The following MRC2 variants were observed in gnomAD, a reference collection of about 807,000 sequenced individuals.
MRC2 encodes C-type mannose receptor 2.
Under a neutral mutation model 206.2 loss-of-function variants are expected in MRC2, and 84 were observed. The ratio of observed to expected loss-of-function variants is 0.41; its 90% CI spans 0.34 to 0.49. MRC2 has a LOEUF of 0.49. MRC2 is among the 20% of genes least tolerant of loss of function. MRC2 has a pLI of 0.31. For synonymous variants in MRC2, 798 were observed against 800.0 expected (o/e 1.00, Z 0.04); for missense variants, 1,676 against 2,001.5 (o/e 0.84, Z 3.10).
chr17:62,628,327 C>T (rs1203182652), intron 1 of MRC2, among the ~76,000 whole-genome samples: 2 of 152,128 alleles, frequency 1.3e-5, no homozygotes, highest in Non-Finnish European at 2.9e-5. Context: ...GTTCCCGGGC[C>T]CAGTCTCCTC....
chr17:62,688,508 C>T lies in MRC2; in HGVS notation c.3069C>T (p.Ile1023=). 1.9e-6 allele frequency: 3 copies of T among 1,614,228 alleles called. No homozygotes were observed. The highest frequency in any genetic ancestry group is 1.1e-5 in the South Asian group (1 of 91,084). The part of the protein sequence containing the change: ...TITNPLEQAF[I]TASLPNVTFD... ...GTCTTCTGGGGACCATAGCATTCAT[C>T]ACAGCCAGCCTGCCCAATGTGACCT... Residue 1023 remains isoleucine (I), a synonymous_variant, in exon 22 of 30, where the codon ATC becomes ATT. Transcript: ENST00000303375.
At chr17:62,635,043 C>T (rs979496266) in intron 1 of MRC2, among the ~76,000 whole-genome samples, 8 of 151,692 alleles carry the variant, frequency 5.3e-5, no homozygotes, top group East Asian at 1.9e-4. Context: ...GTTGGCCAGA[C>T]GGGTCTTGAA....
rs773184614 is a variant in MRC2 at position 62,678,614 on chromosome 17, C to T, written c.2163C>T (p.His721=). The T allele has an allele frequency of 2.5e-6, 4 of 1,611,836 alleles. No individual in the cohort carries two copies. Among genetic ancestry groups the T allele is most frequent in the South Asian group, 1.1e-5 (1 of 90,896 alleles). ...GCCTGGCCAGCTACGAGGAGGAGCA[C>T]TTTGTGGCCAACATGCTCAACAAGA... ...LLSLASYEEE[H]FVANMLNKIF... is the part of the protein sequence containing the mutation. The change falls in exon 13 of 30, where the codon CAC becomes CAT. Residue 721 remains histidine (H), a synonymous_variant. Transcript: ENST00000303375.
intron 11 of MRC2, 56 bp from the exon 12 acceptor site, chr17:62,677,213 G>A: frequency 7.0e-7 from 1 of 1,425,290 alleles, no homozygotes; most frequent in East Asian, 2.5e-5. Context: ...GGATGTGAGG[G>A]AGGACCAGAC....
chr17:62,649,956 A>T (rs2088536318), intron 1 of MRC2, among the ~76,000 whole-genome samples: 1 of 150,036 alleles, frequency 6.7e-6, no homozygotes. Context: ...TTGGAGTGGC[A>T]CTATCTCGGC....
intron 20 of MRC2, 113 bp from the exon 21 acceptor site, chr17:62,688,176 C>T (rs1445128137): frequency 1.2e-6 from 1 of 830,658 alleles, no homozygotes; most frequent in Non-Finnish European, 1.9e-6. Context: ...ACTGTTCTCT[C>T]CCGGCCCTCA....
rs1377647109 is a variant in MRC2, at chr17:62,652,468, T to G, written c.119-12080T>G. ...CGGGTCCCATTCCCGAATTCTGCCC[T>G]CAGCGGCCTGGTCAATGAGGTTGGA... On this transcript the variant is annotated intron_variant, in intron 1 of 29. Transcript: ENST00000303375. This position sits in a 1 kb window ranked among gnomAD's most constrained non-coding sequence, Gnocchi z 4.6. Among the ~76,000 whole-genome samples the G allele has an allele frequency of 6.6e-6, 1 of 152,202 alleles. No homozygotes were observed. Among genetic ancestry groups the G allele is most frequent in the Non-Finnish European group, 1.5e-5 (1 of 68,042 alleles).
chr17:62,630,614 G>A (rs991955721), intron 1 of MRC2, among the ~76,000 whole-genome samples: 2 of 152,142 alleles, frequency 1.3e-5, no homozygotes, highest in Non-Finnish European at 2.9e-5. Flanking sequence ...CTGGCTGTGG[G>A]GAACCCCAGG....
chr17:62,658,884 T>C (rs947133365), intron 1 of MRC2, among the ~76,000 whole-genome samples: 2 of 152,232 alleles, frequency 1.3e-5, no homozygotes, highest in Non-Finnish European at 2.9e-5. Context: ...TGGGCAGGCA[T>C]GGATCAAGTC....
Position 62,667,281 on chromosome 17 carries a change from C to T in MRC2, c.974-109C>T. 2.8e-6 allele frequency: 4 copies of T among 1,414,100 alleles called. No homozygotes were observed. The highest frequency in any genetic ancestry group is 2.7e-5 in the Admixed American group (1 of 37,056). The allele number at this position is 1,414,100 out of a possible 1,614,324, so 87.6% of individuals were successfully genotyped here. ...CTGAGCACCAGGCTTCCCGAACTGG[C>T]TCAGGCTTCCGAGGGAGCAGAGGGA... On this transcript the variant is annotated intron_variant, in intron 5 of 29. Transcript: ENST00000303375. This position sits in a 1 kb window ranked among gnomAD's most constrained non-coding sequence, Gnocchi z 4.1.
rs1409261819 is a variant in MRC2, at chr17:62,667,520, G to A, written c.1104G>A (p.Glu368=). 1 of 1,610,648 alleles carries A rather than the reference G, an allele frequency of 6.2e-7. No homozygotes were observed. Among genetic ancestry groups the A allele is most frequent in the Non-Finnish European group, 8.5e-7 (1 of 1,179,302 alleles). ...VCKKKPNATA[E]PTPPDRWANV... ...AGAAGAAGCCCAACGCCACGGCCGA[G>A]CCCACCCCTCCAGGTGAGCCAGGGA... Residue 368 remains glutamate, a synonymous_variant, in exon 6 of 30, where the codon GAG becomes GAA. Coordinates refer to ENST00000303375, the MANE Select transcript of MRC2 (RefSeq NM_006039.5). The surrounding 1 kb of genome is among the most constrained non-coding windows in gnomAD (Gnocchi z 4.1).
intron 1 of MRC2, among the ~76,000 whole-genome samples, chr17:62,658,391 G>A (rs891556797): frequency 7.2e-5 from 11 of 152,322 alleles, no homozygotes; most frequent in Middle Eastern, 3.4e-3. Flanking sequence ...GGATGTCAGA[G>A]GGAGGAGGGG....
rs1194057098 is a variant in MRC2 at position 62,689,511 on chromosome 17, C to T, written c.3335-11C>T. On this transcript the variant is annotated splice_polypyrimidine_tract_variant and intron_variant, in intron 23 of 29. Transcript: ENST00000303375. ...CAGAGCCCAGCCTGAACCCTGACCC[C>T]TTCCCTGTAGACCCCTCCCTGAGCC... The T allele has an allele frequency of 3.3e-6, 5 of 1,532,422 alleles. No homozygotes were observed. The African/African-American group carries it at 6.8e-5, about 21-fold the overall frequency. The allele number at this position is 1,532,422 out of a possible 1,614,324, so 94.9% of individuals were successfully genotyped here.
At chr17:62,670,539 C>T (rs964812742) in intron 6 of MRC2, among the ~76,000 whole-genome samples, 1 of 152,264 alleles carries the variant, frequency 6.6e-6, no homozygotes, top group African/African-American at 2.4e-5. Context: ...CCGAGCATGA[C>T]ACTGTGGGTG....
At chr17:62,655,471 G>T (rs575368308) in intron 1 of MRC2, among the ~76,000 whole-genome samples, 2 of 152,272 alleles carry the variant, frequency 1.3e-5, no homozygotes, top group African/African-American at 4.8e-5. Context: ...GAACCCTGGA[G>T]GAGGAGCTTG....
At chr17:62,681,408 T>C (rs1048123624) in intron 18 of MRC2, 5 of 541,254 alleles carry the variant, frequency 9.2e-6, no homozygotes, top group African/African-American at 1.9e-5. Flanking sequence ...TCCTGTTACG[T>C]CTGGTGTCAT....
intron 1 of MRC2, among the ~76,000 whole-genome samples, chr17:62,658,892 G>A (rs2088648796): frequency 6.6e-6 from 1 of 152,220 alleles, no homozygotes; most frequent in African/African-American, 2.4e-5. Flanking sequence ...CATGGATCAA[G>A]TCCTGGAGCT....
At position 62,671,842 on chromosome 17, in the gene MRC2, G is replaced by A; in HGVS notation, c.1306+5G>A. The A allele has an allele frequency of 6.3e-7, 1 of 1,590,770 alleles. No individual in the cohort carries two copies. Among genetic ancestry groups the A allele is most frequent in the Non-Finnish European group, 8.6e-7 (1 of 1,165,088 alleles). ...TCACCAAGCAGATCAAGCAAGGTGA[G>A]GAGCTGCCCGCCCACGTGTCTGGGT... is the stretch of plus-strand genomic sequence containing the variant. On this transcript the variant is annotated splice_donor_5th_base_variant and intron_variant, in intron 7 of 29. Transcript: ENST00000303375. This position sits in a 1 kb window ranked among gnomAD's most constrained non-coding sequence, Gnocchi z 4.5.
intron 6 of MRC2, among the ~76,000 whole-genome samples, chr17:62,668,879 C>T (rs995453046): frequency 3.3e-5 from 5 of 152,160 alleles, no homozygotes; most frequent in African/African-American, 1.2e-4. Context: ...AGCTTAGTCT[C>T]TGGGGTGCAG....
Sources: allele counts gnomAD v4.1 joint callset (sites outside exome capture counted in the v4.1 genomes callset), GRCh38; gene constraint gnomAD v4.1.1; non-coding constraint Gnocchi (gnomAD v3.1); transcripts MANE v1.5; gene names NCBI Gene and HGNC (gene_info 2026-07-23, HGNC 2026-07-21).